The following SHISA6 variants were observed in gnomAD, a reference collection of about 807,000 sequenced individuals.
SHISA6 encodes the protein protein shisa-6.
SHISA6 carries 22 observed loss-of-function variants against 47.9 expected under a neutral mutation model. The ratio of observed to expected loss-of-function variants is 0.46; its 90% CI spans 0.33 to 0.66. SHISA6 has a LOEUF of 0.66. Among genes scored for constraint, SHISA6 ranks in the 30% least tolerant of loss-of-function variants. The pLI, the probability that SHISA6 is intolerant of heterozygous loss-of-function variation, is 0.02. For synonymous variants in SHISA6, 388 were observed against 337.8 expected (o/e 1.15, Z -1.63); for missense variants, 680 against 764.6 (o/e 0.89, Z 1.30).
At chr17:11,510,576 T>C (rs1158427039) in intron 3 of SHISA6, among the ~76,000 whole-genome samples, 1 of 152,182 alleles carries the variant, frequency 6.6e-6, no homozygotes, top group Non-Finnish European at 1.5e-5. Context: ...GTAAAATCCT[T>C]GTTCTAGCTG....
chr17:11,249,698 T>C (rs1907731251), intron 1 of SHISA6, among the ~76,000 whole-genome samples: 1 of 152,314 alleles, frequency 6.6e-6, no homozygotes, highest in South Asian at 2.1e-4. Flanking sequence ...CCATGGCATG[T>C]CATTTTGACT....
At chr17:11,464,771 C>T (rs1409885433) in intron 3 of SHISA6, among the ~76,000 whole-genome samples, 2 of 152,168 alleles carry the variant, frequency 1.3e-5, no homozygotes, top group Non-Finnish European at 2.9e-5. Flanking sequence ...GGTGAAACTC[C>T]GTCTCTACTA....
intron 3 of SHISA6, among the ~76,000 whole-genome samples, chr17:11,415,946 C>T (rs1173083277): frequency 6.6e-6 from 1 of 152,146 alleles, no homozygotes; most frequent in Non-Finnish European, 1.5e-5. Context: ...GGTGATAGAT[C>T]CATTGTCTGG....
chr17:11,489,504 T>C (rs1367337546), intron 3 of SHISA6, among the ~76,000 whole-genome samples: 1 of 152,190 alleles, frequency 6.6e-6, no homozygotes, highest in Non-Finnish European at 1.5e-5. Flanking sequence ...TTGTATCTCA[T>C]ATGTCCTTTG....
intron 3 of SHISA6, among the ~76,000 whole-genome samples, chr17:11,505,915 T>C (rs1162558579): frequency 1.3e-5 from 2 of 152,146 alleles, no homozygotes; most frequent in African/African-American, 4.8e-5. Flanking sequence ...CAGTCCACGA[T>C]GCGTATTGGA....
At chr17:11,519,196 C>T (rs548157919) in intron 3 of SHISA6, among the ~76,000 whole-genome samples, 1 of 152,182 alleles carries the variant, frequency 6.6e-6, no homozygotes, top group Non-Finnish European at 1.5e-5. Context: ...TTTCCCTTGA[C>T]TACACAAACA....
intron 2 of SHISA6, among the ~76,000 whole-genome samples, chr17:11,277,268 TCTCTCTCTCTCTCA>T (rs1167915872): frequency 1.9e-3 from 206 of 110,888 alleles, no homozygotes; most frequent in East Asian, 7.6e-3. Context: ...TCTCTCTCTC[TCTCTCTCTCTCTCA>T]CACACACACA....
intron 3 of SHISA6, among the ~76,000 whole-genome samples, chr17:11,389,247 G>A (rs1913307593): frequency 2.0e-5 from 3 of 152,162 alleles, no homozygotes; most frequent in South Asian, 4.1e-4. Context: ...TAGGTGGCAG[G>A]CGAAGCCACT....
At chr17:11,324,921 A>G (rs1479320546) in intron 2 of SHISA6, among the ~76,000 whole-genome samples, 3 of 152,066 alleles carry the variant, frequency 2.0e-5, no homozygotes, top group African/African-American at 7.2e-5. Flanking sequence ...TCACCTGCCT[A>G]TCTGGTCCCT....
chr17:11,521,883 G>C (rs1030467082), intron 3 of SHISA6, among the ~76,000 whole-genome samples: 3 of 152,114 alleles, frequency 2.0e-5, no homozygotes, highest in Admixed American at 6.5e-5. Context: ...CAGGAGTAGT[G>C]AATAGGGAAA....
chr17:11,246,730 C>T (rs1467599752), intron 1 of SHISA6, among the ~76,000 whole-genome samples: 1 of 152,176 alleles, frequency 6.6e-6, no homozygotes, highest in African/African-American at 2.4e-5. Flanking sequence ...CAGACACACG[C>T]AGACATTCAC....
At chr17:11,535,918 A>G (rs2071783002) in intron 3 of SHISA6, among the ~76,000 whole-genome samples, 1 of 152,152 alleles carries the variant, frequency 6.6e-6, no homozygotes, top group Admixed American at 6.5e-5. Context: ...GTGTGTGTGT[A>G]TATATCTATA....
At chr17:11,349,347 C>G (rs531121842) in intron 2 of SHISA6, among the ~76,000 whole-genome samples, 1 of 152,280 alleles carries the variant, frequency 6.6e-6, no homozygotes, top group East Asian at 1.9e-4. Context: ...TGACTCAGAC[C>G]TCTTAGGTTA....
Position 11,561,157 on chromosome 17 carries a change from A to G in SHISA6, c.*2853A>G, listed in dbSNP as rs2072039378. On this transcript the variant is annotated 3_prime_UTR_variant, in exon 6 of 6. Transcript: ENST00000441885. The stretch of plus-strand genomic sequence containing the variant: ...CTGGGGCTGGAACCTAGATGCCATG[A>G]TTTCTAGCCCAACCAGGCTGGTGGC... 6.6e-6 allele frequency: 1 copy of G among 152,192 alleles called. No individual in the cohort carries two copies. Among genetic ancestry groups the G allele is most frequent in the Admixed American group, 6.5e-5 (1 of 15,280 alleles). The allele number at this position is 152,192 out of a possible 1,614,324, so 9.4% of individuals were successfully genotyped here. A position where few individuals can be genotyped will look rare whatever the true frequency, so the allele number is the denominator to read the frequency against.
chr17:11,404,957 C>A (rs991544585), intron 3 of SHISA6, among the ~76,000 whole-genome samples: 4 of 152,158 alleles, frequency 2.6e-5, no homozygotes, highest in African/African-American at 9.7e-5. Context: ...CCCTCCATTC[C>A]CTGATTTCTG....
intron 2 of SHISA6, among the ~76,000 whole-genome samples, chr17:11,326,053 G>C (rs977869515): frequency 6.6e-6 from 1 of 152,138 alleles, no homozygotes; most frequent in Non-Finnish European, 1.5e-5. Context: ...GGCGGATCAC[G>C]AGGTCAGGAG....
intron 3 of SHISA6, among the ~76,000 whole-genome samples, chr17:11,395,124 G>A (rs1245825980): frequency 6.7e-6 from 1 of 148,886 alleles, no homozygotes; most frequent in Non-Finnish European, 1.5e-5. Flanking sequence ...TTATTTCTAA[G>A]TACATATGTA....
chr17:11,384,578 T>A (rs1045223572), intron 3 of SHISA6, among the ~76,000 whole-genome samples: 47 of 152,318 alleles, frequency 3.1e-4, no homozygotes, highest in African/African-American at 1.1e-3. Flanking sequence ...AACCCCCACA[T>A]TTCAATATTG....
chr17:11,470,569 C>G (rs1597534812), intron 3 of SHISA6, among the ~76,000 whole-genome samples: 1 of 152,250 alleles, frequency 6.6e-6, no homozygotes, highest in African/African-American at 2.4e-5. Flanking sequence ...ACAGCCAGGA[C>G]CAAGCCTTCC....
Sources: allele counts gnomAD v4.1 joint callset (sites outside exome capture counted in the v4.1 genomes callset), GRCh38; gene constraint gnomAD v4.1.1; transcripts MANE v1.5; gene names NCBI Gene and HGNC (gene_info 2026-07-23, HGNC 2026-07-21).